The following CNTLN variants were observed in gnomAD, a reference collection of about 807,000 sequenced individuals.
The protein encoded by CNTLN is centlein, also known as centlein, centrosomal protein.
CNTLN carries 212 observed loss-of-function variants against 180.0 expected under a neutral mutation model. The ratio of observed to expected loss-of-function variants is 1.18; its 90% CI spans 1.05 to 1.32. The LOEUF (loss-of-function observed/expected upper bound fraction) is 1.32. Ranked by LOEUF, CNTLN falls within the 40% of genes most tolerant of loss-of-function variation. The pLI, the probability that CNTLN is intolerant of heterozygous loss-of-function variation, is 0.00. For synonymous variants in CNTLN, 722 were observed against 563.1 expected (o/e 1.28, Z -3.99); for missense variants, 2,095 against 1,610.9 (o/e 1.30, Z -5.14).
At chr9:17,462,881 A>AGG (rs750739985) in intron 19 of CNTLN, 35 bp from the exon 20 acceptor site, 2 of 1,170,644 alleles carry the variant, frequency 1.7e-6, no homozygotes, top group East Asian at 2.7e-5. Flanking sequence ...CAAGGTTGTA[A>AGG]GGTATATTTA....
intron 2 of CNTLN, among the ~76,000 whole-genome samples, chr9:17,151,866 A>G (rs1485615701): frequency 6.6e-6 from 1 of 151,934 alleles, no homozygotes; most frequent in Non-Finnish European, 1.5e-5. Flanking sequence ...CCAGGATTCG[A>G]TTTCTTCCTG....
chr9:17,273,074 G>A (rs1463339000), intron 5 of CNTLN, among the ~76,000 whole-genome samples: 1 of 151,922 alleles, frequency 6.6e-6, no homozygotes, highest in African/African-American at 2.4e-5. Flanking sequence ...TGGTGTTTCT[G>A]TTGGCATACT....
At chr9:17,263,263 A>C (rs552224524) in intron 5 of CNTLN, among the ~76,000 whole-genome samples, 1 of 135,958 alleles carries the variant, frequency 7.4e-6, no homozygotes, top group Non-Finnish European at 1.5e-5. Context: ...TCATTGTTCA[A>C]TTCCCACCAG....
At chr9:17,285,557 C>G (rs1828931706) in intron 6 of CNTLN, among the ~76,000 whole-genome samples, 1 of 133,016 alleles carries the variant, frequency 7.5e-6, no homozygotes, top group South Asian at 2.8e-4. Context: ...ATTTCTAGTT[C>G]TAGATCCCTG....
At chr9:17,461,581 A>G (rs527260421) in intron 19 of CNTLN, among the ~76,000 whole-genome samples, 1 of 151,830 alleles carries the variant, frequency 6.6e-6, no homozygotes, top group South Asian at 2.1e-4. Flanking sequence ...CAGTCTGATG[A>G]ATTACATTTA....
intron 25 of CNTLN, among the ~76,000 whole-genome samples, chr9:17,493,516 C>T (rs58549492): frequency 0.042 from 6,403 of 152,094 alleles, 456 homozygotes; most frequent in African/African-American, 0.15. Flanking sequence ...TATGGATTAC[C>T]CAGAGAAGCA....
At chr9:17,502,271 G>A (rs536504484) in intron 25 of CNTLN, among the ~76,000 whole-genome samples, 46 of 152,316 alleles carry the variant, frequency 3.0e-4, no homozygotes, top group African/African-American at 1.1e-3. Flanking sequence ...TTAGCTGCTT[G>A]TATTGCAGAT....
At chr9:17,348,298 A>G (rs1822077795) in intron 12 of CNTLN, among the ~76,000 whole-genome samples, 1 of 152,164 alleles carries the variant, frequency 6.6e-6, no homozygotes, top group Non-Finnish European at 1.5e-5. Context: ...GATTATGTGT[A>G]TTCTATTTTG....
At position 17,360,025 on chromosome 9, in the gene CNTLN, G is replaced by A. The variant is rs112737331; in HGVS notation, c.1887-6592G>A. Among the ~76,000 whole-genome samples, 10 of 152,216 alleles carry A rather than the reference G, an allele frequency of 6.6e-5. 1 individual carries two copies. The highest frequency in any genetic ancestry group is 2.4e-4 in the African/African-American group (10 of 41,546). On this transcript the variant is annotated intron_variant, in intron 12 of 25. Transcript: ENST00000380647. Reference sequence around the variant, plus strand: ...TTCTAGATTTTTAAATTGGAAGCTTGCATCATTATGGATATTTCTTTTTTT... The same window carrying A: ...TTCTAGATTTTTAAATTGGAAGCTTACATCATTATGGATATTTCTTTTTTT...
chr9:17,451,347 A>G (rs969050404), intron 18 of CNTLN, among the ~76,000 whole-genome samples: 1 of 152,222 alleles, frequency 6.6e-6, no homozygotes, highest in Non-Finnish European at 1.5e-5. Context: ...CCTGTACTTA[A>G]TTATGAATCA....
At chr9:17,472,750 A>G (rs978637326) in intron 23 of CNTLN, among the ~76,000 whole-genome samples, 6 of 152,166 alleles carry the variant, frequency 3.9e-5, no homozygotes, top group African/African-American at 7.2e-5. Flanking sequence ...TGTTCCCACT[A>G]AGAAACACTA....
chr9:17,480,959 C>A (rs1832613116), intron 23 of CNTLN, among the ~76,000 whole-genome samples: 1 of 152,164 alleles, frequency 6.6e-6, no homozygotes. Flanking sequence ...ACAAATTTGT[C>A]AAGTCCTTGC....
intron 8 of CNTLN, among the ~76,000 whole-genome samples, chr9:17,330,024 G>A (rs1029426227): frequency 3.3e-5 from 5 of 151,956 alleles, no homozygotes; most frequent in Admixed American, 2.0e-4. Context: ...TCATGAACAG[G>A]TTTCCTACAA....
At chr9:17,262,523 A>G (rs769206451) in intron 5 of CNTLN, among the ~76,000 whole-genome samples, 6 of 151,484 alleles carry the variant, frequency 4.0e-5, no homozygotes, top group Non-Finnish European at 7.3e-5. Context: ...GAGTTGAACA[A>G]TGAGAACACA....
Position 17,340,897 on chromosome 9 carries a change from A to C in CNTLN, c.1715A>C (p.Asn572Thr). The change falls in exon 11 of 26, where the codon AAC becomes ACC. Residue 572 changes from asparagine to threonine, a missense_variant. Asn to Thr is a moderately conservative substitution (Grantham distance 65). Coordinates refer to ENST00000380647, the MANE Select transcript of CNTLN (RefSeq NM_017738.4). ...GAACGGCTACAGATGTTACAGACCA[A>C]CTACAGAGCAGTAAAAGAGCAATTA... ...RKERLQMLQT[N>T]YRAVKEQLKQ... The C allele has an allele frequency of 6.2e-7, 1 of 1,612,440 alleles. No individual in the cohort carries two copies. Among genetic ancestry groups the C allele is most frequent in the Non-Finnish European group, 8.5e-7 (1 of 1,179,090 alleles).
In CNTLN at chr9:17,157,077, C is replaced by T. The variant is rs111376893; in HGVS notation, c.449+13701C>T. Among the ~76,000 whole-genome samples the T allele has an allele frequency of 1.8e-3, 268 of 152,204 alleles. 3 individuals are homozygous for T. The highest frequency in any genetic ancestry group is 5.6e-3 in the African/African-American group (231 of 41,546). ...TGTCTCCTCGATAGAAAATAAAGAA[C>T]GGAAGGAGAATGCAGCAAAACACAT... is the stretch of plus-strand genomic sequence containing the variant. On this transcript the variant is annotated intron_variant, in intron 2 of 25. Transcript: ENST00000380647.
intron 8 of CNTLN, among the ~76,000 whole-genome samples, chr9:17,324,211 G>T (rs528808372): frequency 5.3e-5 from 8 of 152,026 alleles, no homozygotes; most frequent in African/African-American, 1.9e-4. Flanking sequence ...CTTATACCCC[G>T]AAGTCACATA....
intron 7 of CNTLN, among the ~76,000 whole-genome samples, chr9:17,307,112 C>G (rs1158819186): frequency 1.3e-5 from 2 of 152,082 alleles, no homozygotes; most frequent in Non-Finnish European, 2.9e-5. Flanking sequence ...ATTGGACATG[C>G]TCCTTGGTAT....
intron 15 of CNTLN, among the ~76,000 whole-genome samples, chr9:17,401,074 C>A (rs1198304061): frequency 6.6e-6 from 1 of 152,100 alleles, no homozygotes; most frequent in Non-Finnish European, 1.5e-5. Flanking sequence ...GGTCAAAAAT[C>A]GGTTTGTCTG....
Sources: gnomAD v4.1 joint callset for allele counts (sites outside exome capture counted in the v4.1 genomes callset) on GRCh38, gnomAD v4.1.1 for gene constraint, MANE v1.5 for transcripts, NCBI Gene and HGNC (gene_info 2026-07-23, HGNC 2026-07-21) for gene names.